The following TMEM38B variants were observed in gnomAD, a reference collection of about 807,000 sequenced individuals.
TMEM38B encodes the protein transmembrane protein 38B.
TMEM38B carries 24 observed loss-of-function variants against 28.7 expected under a neutral mutation model. The ratio of observed to expected loss-of-function variants is 0.84; its 90% confidence interval spans 0.61 to 1.18. The LOEUF (loss-of-function observed/expected upper bound fraction) is 1.18, where lower values mean the gene tolerates loss of function less well. Among genes scored for constraint, TMEM38B ranks in the 50% most tolerant of loss-of-function variants. The probability of loss-of-function intolerance (pLI) is 0.00; values close to 1 mark genes in which losing one functional copy is unlikely to be tolerated. For synonymous variants in TMEM38B, 131 were observed against 127.7 expected, an observed-to-expected ratio of 1.03 and a Z score of -0.17; for missense variants, 380 against 350.9, an observed-to-expected ratio of 1.08 and a Z score of -0.66.
chr9:105,748,680 C>T (rs1489438785), intron 5 of TMEM38B, among the ~76,000 whole-genome samples: 1 of 152,174 alleles, frequency 6.6e-6, no homozygotes, highest in Non-Finnish European at 1.5e-5. Flanking sequence ...CCCAGTTTTG[C>T]TGCCTAGTCC....
At chr9:105,738,757 C>T (rs988641294) in intron 4 of TMEM38B, among the ~76,000 whole-genome samples, 3 of 135,778 alleles carry the variant, frequency 2.2e-5, no homozygotes, top group Non-Finnish European at 4.5e-5. Flanking sequence ...CTCACTCCGT[C>T]GCCCAGGCTG....
chr9:105,766,189 A>C (rs927123353), intron 5 of TMEM38B, among the ~76,000 whole-genome samples: 3 of 152,168 alleles, frequency 2.0e-5, no homozygotes, highest in Non-Finnish European at 2.9e-5. Flanking sequence ...AAACTGCCAC[A>C]CTATTTTTCA....
chr9:105,704,164 A>C (rs1450698627), intron 1 of TMEM38B, among the ~76,000 whole-genome samples: 1 of 152,142 alleles, frequency 6.6e-6, no homozygotes, highest in African/African-American at 2.4e-5. Flanking sequence ...GTGCGCCAGC[A>C]TGGCACATGT....
intron 5 of TMEM38B, among the ~76,000 whole-genome samples, chr9:105,771,568 G>A (rs1001892793): frequency 6.6e-6 from 1 of 152,102 alleles, no homozygotes; most frequent in Admixed American, 6.6e-5. Flanking sequence ...TTTTTGATTG[G>A]AATTCTATTA....
intron 4 of TMEM38B, among the ~76,000 whole-genome samples, chr9:105,747,752 G>C (rs1837475610): frequency 6.6e-6 from 1 of 152,060 alleles, no homozygotes; most frequent in Admixed American, 6.6e-5. Context: ...CCTTACATGT[G>C]TCCCAGAGAT....
At chr9:105,728,511 C>T (rs1464154273) in intron 4 of TMEM38B, among the ~76,000 whole-genome samples, 1 of 152,042 alleles carries the variant, frequency 6.6e-6, no homozygotes, top group African/African-American at 2.4e-5. Context: ...TGGTTGGTTC[C>T]AAGTCTTTGC....
intron 1 of TMEM38B, among the ~76,000 whole-genome samples, chr9:105,698,803 C>T (rs936505295): frequency 6.6e-6 from 1 of 151,930 alleles, no homozygotes; most frequent in Non-Finnish European, 1.5e-5. Context: ...ATTGCTTGTT[C>T]TTTGATATTT....
intron 5 of TMEM38B, among the ~76,000 whole-genome samples, chr9:105,754,701 C>CA (rs1400263990): frequency 1.3e-5 from 2 of 152,098 alleles, no homozygotes. Flanking sequence ...AACAACCTAT[C>CA]ACCTCAACTG....
chr9:105,694,588 T>G lies in TMEM38B; in HGVS notation c.-73T>G. ...AGCGGGCGGCCGCGGCTGTGCCCTC[T>G]CCTACTCCTCACCGCGCGAGCGCGG... is the stretch of plus-strand genomic sequence containing the variant. On this transcript the variant is annotated 5_prime_UTR_variant, in exon 1 of 6. Transcript: ENST00000374692. 7.8e-7 allele frequency: 1 copy of G among 1,289,898 alleles called. No homozygotes were observed. The allele number at this position is 1,289,898 out of a possible 1,614,324, so 79.9% of individuals were successfully genotyped here. A position where few individuals can be genotyped will look rare whatever the true frequency, so the allele number is the denominator to read the frequency against.
At chr9:105,748,802 A>G (rs896605576) in intron 5 of TMEM38B, among the ~76,000 whole-genome samples, 3 of 152,162 alleles carry the variant, frequency 2.0e-5, no homozygotes, top group Non-Finnish European at 4.4e-5. Flanking sequence ...TATCTCATGT[A>G]TCTTACGAAT....
intron 5 of TMEM38B, chr9:105,758,990 G>A (rs370278518): frequency 2.4e-5 from 26 of 1,074,554 alleles, no homozygotes; most frequent in African/African-American, 1.9e-4. Flanking sequence ...AATATATAAT[G>A]TACAACATGG....
At position 105,711,440 on chromosome 9, in the gene TMEM38B, C is replaced by CA. The variant is rs34003083; in HGVS notation, c.269+5696dup. The stretch of plus-strand genomic sequence containing the variant: ...TGAGTAACAGACCTAGACTCTGTCT[C>CA]AAAAAAAAAGAAAAGAAAAGAAAAA... On this transcript the variant is annotated intron_variant, in intron 2 of 5. Coordinates refer to ENST00000374692, the MANE Select transcript of TMEM38B (RefSeq NM_018112.3). Among the ~76,000 whole-genome samples, 15 of 149,650 alleles carry CA rather than the reference C, an allele frequency of 1.0e-4. No homozygotes were observed. In the South Asian group the frequency reaches 1.5e-3, roughly 15 times the overall value.
chr9:105,757,732 C>T (rs765842421), intron 5 of TMEM38B, among the ~76,000 whole-genome samples: 15 of 151,938 alleles, frequency 9.9e-5, no homozygotes, highest in African/African-American at 2.2e-4. Context: ...TGTTGGGTTT[C>T]GAAATTAAGA....
intron 4 of TMEM38B, among the ~76,000 whole-genome samples, chr9:105,735,172 G>T (rs1836925331): frequency 6.6e-6 from 1 of 152,100 alleles, no homozygotes; most frequent in East Asian, 1.9e-4. Context: ...TCACATAAAA[G>T]TACTCTAGAC....
chr9:105,718,743 A>T (rs1298475827), intron 2 of TMEM38B, among the ~76,000 whole-genome samples: 1 of 152,190 alleles, frequency 6.6e-6, no homozygotes, highest in Non-Finnish European at 1.5e-5. Context: ...TCCCGGGGGA[A>T]ATAAATATTT....
chr9:105,708,788 G>A (rs1835777136), intron 2 of TMEM38B, among the ~76,000 whole-genome samples: 1 of 151,684 alleles, frequency 6.6e-6, no homozygotes, highest in Admixed American at 6.6e-5. Context: ...CCTCTCCCAT[G>A]ACTATCACAT....
At chr9:105,719,746 G>GT (rs1286986005) in intron 2 of TMEM38B, among the ~76,000 whole-genome samples, 1 of 152,126 alleles carries the variant, frequency 6.6e-6, no homozygotes, top group Admixed American at 6.5e-5. Context: ...TATTGTAATA[G>GT]TATAGGTTTT....
chr9:105,761,940 A>G (rs1373500145), intron 5 of TMEM38B, among the ~76,000 whole-genome samples: 2 of 152,304 alleles, frequency 1.3e-5, no homozygotes, highest in South Asian at 4.1e-4. Flanking sequence ...CTTGCCGAGT[A>G]TAAATGCCTC....
intron 5 of TMEM38B, among the ~76,000 whole-genome samples, chr9:105,751,377 G>A (rs1049200701): frequency 4.6e-5 from 7 of 152,126 alleles, no homozygotes; most frequent in South Asian, 2.1e-4. Flanking sequence ...TTTGCGACCC[G>A]TAGATCAGGA....
Sources: gnomAD v4.1 joint callset for allele counts (sites outside exome capture counted in the v4.1 genomes callset) on GRCh38, gnomAD v4.1.1 for gene constraint, MANE v1.5 for transcripts, NCBI Gene and HGNC (gene_info 2026-07-23, HGNC 2026-07-21) for gene names.